The following PRKCA variants were observed in gnomAD, a reference collection of about 807,000 sequenced individuals.
PRKCA encodes protein kinase C alpha.
In PRKCA, 27 loss-of-function variants were observed where a neutral mutation model predicts 87.0. That is an observed-to-expected ratio of 0.31 (90% CI 0.23 to 0.43). The LOEUF is 0.43. Among genes scored for constraint, PRKCA ranks in the 20% least tolerant of loss-of-function variants. PRKCA has a pLI of 1.00. For missense variants in PRKCA, 518 were observed against 852.3 expected (o/e 0.61, Z 4.88); for synonymous variants, 329 against 311.1 (o/e 1.06, Z -0.61).
intron 2 of PRKCA, among the ~76,000 whole-genome samples, chr17:66,455,168 T>C (rs1598687095): frequency 1.3e-5 from 2 of 152,330 alleles, no homozygotes; most frequent in South Asian, 2.1e-4. Flanking sequence ...TCCTTTGAAA[T>C]GTTCTTATTC....
chr17:66,776,950 T>C (rs1649733521), intron 14 of PRKCA, among the ~76,000 whole-genome samples: 1 of 152,220 alleles, frequency 6.6e-6, no homozygotes, highest in African/African-American at 2.4e-5. Context: ...CCAGTTAAAC[T>C]CCGCCATGTT....
intron 3 of PRKCA, among the ~76,000 whole-genome samples, chr17:66,590,269 G>C (rs1346011099): frequency 6.7e-6 from 1 of 150,172 alleles, no homozygotes; most frequent in Non-Finnish European, 1.5e-5. Context: ...TCAGCCCTCT[G>C]TCTGAATGAT....
intron 8 of PRKCA, among the ~76,000 whole-genome samples, chr17:66,730,725 T>G (rs1180370727): frequency 1.2e-4 from 19 of 152,198 alleles, no homozygotes; most frequent in Admixed American, 1.2e-3. Context: ...GACTGTTGTA[T>G]TAGGGGTTCT....
intron 2 of PRKCA, among the ~76,000 whole-genome samples, chr17:66,383,276 C>T (rs1909871348): frequency 6.6e-6 from 1 of 152,126 alleles, no homozygotes; most frequent in Non-Finnish European, 1.5e-5. Context: ...TGATTCTCGA[C>T]AGATGTTTCC....
At position 66,433,369 on chromosome 17, in the gene PRKCA, G is replaced by T. The variant is rs140423712; in HGVS notation, c.206-62832G>T. On this transcript the variant is annotated intron_variant, in intron 2 of 16. Coordinates refer to ENST00000413366, the MANE Select transcript of PRKCA (RefSeq NM_002737.3). ...TGAAGTTTCCTATAAACATAGTCAAGAGCAGCCTCTCTCCCTGCTGAGCTA... is the reference window on the plus strand; with the variant it reads ...TGAAGTTTCCTATAAACATAGTCAATAGCAGCCTCTCTCCCTGCTGAGCTA... 1.6e-3 allele frequency among the ~76,000 whole-genome samples: 248 copies of T among 152,248 alleles called. 2 individuals carry two copies. Among genetic ancestry groups the T allele is most frequent in the Non-Finnish European group, 2.9e-3 (200 of 68,018 alleles).
chr17:66,738,778 C>T lies in PRKCA; in HGVS notation c.1245C>T (p.Phe415=), dbSNP rs768035157. 68 of 1,613,426 alleles carry T rather than the reference C, an allele frequency of 4.2e-5. No homozygotes were observed. The highest frequency in any genetic ancestry group is 5.6e-5 in the Non-Finnish European group (66 of 1,179,856). The change falls in exon 11 of 17, where the codon TTC becomes TTT. Residue 415 remains phenylalanine, a synonymous_variant. Transcript: ENST00000413366. ...SCFQTVDRLY[F]VMEYVNGGDL... ...TTGGTCTGCAGGATCGGCTGTACTT[C>T]GTCATGGAATATGTCAACGGTGGGG...
intron 16 of PRKCA, among the ~76,000 whole-genome samples, chr17:66,797,681 C>T (rs1452592432): frequency 6.6e-6 from 1 of 152,216 alleles, no homozygotes; most frequent in Non-Finnish European, 1.5e-5. Context: ...GGCTCTTGAT[C>T]TCTGGCCACA....
chr17:66,789,160 C>T (rs117581214), intron 16 of PRKCA, among the ~76,000 whole-genome samples, 181 bp downstream of exon 16: 3,625 of 152,324 alleles, frequency 0.024, 55 homozygotes, highest in Non-Finnish European at 0.03. Context: ...ATTCCTGCTG[C>T]CTTCAGAGAG....
At chr17:66,730,714 A>G (rs1440753474) in intron 8 of PRKCA, among the ~76,000 whole-genome samples, 1 of 152,184 alleles carries the variant, frequency 6.6e-6, no homozygotes, top group Non-Finnish European at 1.5e-5. Context: ...GCTTTGCCAC[A>G]GACTGTTGTA....
chr17:66,626,110 G>A (rs1484923812), intron 3 of PRKCA, among the ~76,000 whole-genome samples: 1 of 152,118 alleles, frequency 6.6e-6, no homozygotes, highest in Non-Finnish European at 1.5e-5. Context: ...TGGTGGGGCT[G>A]GGGCTACCTT....
intron 2 of PRKCA, among the ~76,000 whole-genome samples, chr17:66,348,704 T>C (rs1034043605): frequency 6.6e-6 from 1 of 152,204 alleles, no homozygotes; most frequent in Non-Finnish European, 1.5e-5. Context: ...TGTGTTAAGA[T>C]GGGTTTGCAT....
chr17:66,439,759 T>A (rs1297638682), intron 2 of PRKCA, among the ~76,000 whole-genome samples: 2 of 152,348 alleles, frequency 1.3e-5, no homozygotes, highest in Admixed American at 6.5e-5. Flanking sequence ...CTTTTGCTGA[T>A]GTTCGTTTTG....
intron 5 of PRKCA, among the ~76,000 whole-genome samples, chr17:66,655,237 C>A (rs1478263176): frequency 6.6e-6 from 1 of 152,218 alleles, no homozygotes; most frequent in African/African-American, 2.4e-5. Context: ...ACTCTATCTT[C>A]TTCCTTGATT....
At chr17:66,335,269 A>C (rs1208684594) in intron 2 of PRKCA, among the ~76,000 whole-genome samples, 1 of 152,020 alleles carries the variant, frequency 6.6e-6, no homozygotes, top group African/African-American at 2.4e-5. Context: ...CTGAGACTGC[A>C]ACACATGCAC....
chr17:66,713,329 C>G (rs1220444178), intron 8 of PRKCA, among the ~76,000 whole-genome samples: 1 of 152,058 alleles, frequency 6.6e-6, no homozygotes, highest in Admixed American at 6.6e-5. Flanking sequence ...GGATTACAGT[C>G]GTGAGCCACC....
intron 5 of PRKCA, among the ~76,000 whole-genome samples, chr17:66,680,313 CTT>C (rs1972455330): frequency 6.6e-6 from 1 of 152,182 alleles, no homozygotes; most frequent in African/African-American, 2.4e-5. Flanking sequence ...TTTACTCTCG[CTT>C]TTGCTGTCAG....
chr17:66,503,827 C>T (rs1436181664), intron 3 of PRKCA, among the ~76,000 whole-genome samples: 1 of 152,088 alleles, frequency 6.6e-6, no homozygotes. Context: ...ATAAATTTAA[C>T]AGTGAATCTT....
intron 8 of PRKCA, among the ~76,000 whole-genome samples, chr17:66,701,264 T>C (rs550828420): frequency 6.6e-6 from 1 of 152,238 alleles, no homozygotes; most frequent in South Asian, 2.1e-4. Context: ...TGAAATTGGA[T>C]AGATGCATTT....
intron 3 of PRKCA, among the ~76,000 whole-genome samples, chr17:66,552,145 A>T (rs1012387899): frequency 1.3e-5 from 2 of 152,042 alleles, no homozygotes; most frequent in Non-Finnish European, 2.9e-5. Flanking sequence ...GAAAAAATAC[A>T]AAATTAGCTG....
Sources: gnomAD v4.1 joint callset for allele counts (sites outside exome capture counted in the v4.1 genomes callset) on GRCh38, gnomAD v4.1.1 for gene constraint, MANE v1.5 for transcripts, NCBI Gene and HGNC (gene_info 2026-07-23, HGNC 2026-07-21) for gene names.